Variants in RBM26 observed in about 807,000 individuals in gnomAD.
The protein encoded by RBM26 is RNA binding motif protein 26, also known as RNA-binding protein 26.
In RBM26, 30 loss-of-function variants were observed where a neutral mutation model predicts 123.6. The observed-to-expected ratio is 0.24, with a 90% CI of 0.18 to 0.33. RBM26 has a LOEUF of 0.33. RBM26 is among the 10% of genes least tolerant of loss of function. RBM26 has a pLI of 1.00. For synonymous variants in RBM26, 400 were observed against 404.4 expected (o/e 0.99, Z 0.13); for missense variants, 947 against 1,203.6 (o/e 0.79, Z 3.15).
chr13:79,376,201 T>C (rs1245836580), intron 3 of RBM26: 1 of 152,020 alleles, frequency 6.6e-6, no homozygotes, highest in Non-Finnish European at 1.5e-5. Flanking sequence ...AATTATAGTT[T>C]GTTTGTTTTT....
chr13:79,324,944 T>C (rs1289839189), intron 20 of RBM26, among the ~76,000 whole-genome samples: 1 of 152,064 alleles, frequency 6.6e-6, no homozygotes, highest in Non-Finnish European at 1.5e-5. Context: ...ATTAAAATCC[T>C]CATAAAGTCA....
At chr13:79,396,554 G>C (rs1044577842) in intron 1 of RBM26, among the ~76,000 whole-genome samples, 1 of 151,900 alleles carries the variant, frequency 6.6e-6, no homozygotes, top group Admixed American at 6.6e-5. Flanking sequence ...AGAAGAAACA[G>C]AAATACCTAC....
At chr13:79,392,034 A>G (rs71436686) in intron 1 of RBM26, among the ~76,000 whole-genome samples, 15 of 105,108 alleles carry the variant, frequency 1.4e-4, no homozygotes, top group East Asian at 7.6e-4. Context: ...ATATAATTAT[A>G]TATTATACAA....
At chr13:79,361,112 T>C (rs1223421422) in intron 9 of RBM26, among the ~76,000 whole-genome samples, 1 of 152,168 alleles carries the variant, frequency 6.6e-6, no homozygotes, top group Non-Finnish European at 1.5e-5. Flanking sequence ...AAACTCACTA[T>C]GCAGAACGTT....
chr13:79,357,875 A>G (rs2074211860), intron 11 of RBM26, among the ~76,000 whole-genome samples: 2 of 123,228 alleles, frequency 1.6e-5, no homozygotes, highest in Admixed American at 1.1e-4. Context: ...CCAATTCAGA[A>G]TAACAATTTT....
At chr13:79,328,273 G>A (rs1290245549) in intron 20 of RBM26, among the ~76,000 whole-genome samples, 1 of 152,036 alleles carries the variant, frequency 6.6e-6, no homozygotes, top group Non-Finnish European at 1.5e-5. Flanking sequence ...AATTAAAACA[G>A]TGAGAAACAG....
rs73564694 is a variant in RBM26, at chr13:79,381,836, C to G, written c.72-2929G>C. Among the ~76,000 whole-genome samples the G allele has an allele frequency of 9.3e-3, 1,419 of 151,882 alleles. 19 individuals are homozygous for G. Among genetic ancestry groups the G allele is most frequent in the African/African-American group, 0.028 (1,168 of 41,510 alleles). On this transcript the variant is annotated intron_variant, in intron 1 of 21. Coordinates refer to ENST00000438737, the MANE Select transcript of RBM26 (RefSeq NM_001366735.2). ...ACGATTAGCCACAACAAATATACTA[C>G]CATATACAGTTCTAAATCCTTGAAA... is the stretch of plus-strand genomic sequence containing the variant.
At chr13:79,344,610 T>C (rs888734943) in intron 15 of RBM26, 59 bp downstream of exon 15, 5 of 1,471,248 alleles carry the variant, frequency 3.4e-6, no homozygotes, top group Middle Eastern at 3.7e-4. Context: ...AAAAAACACA[T>C]ACACAAGGAA....
intron 3 of RBM26, chr13:79,377,091 C>T: frequency 3.8e-6 from 1 of 260,020 alleles, no homozygotes; most frequent in Non-Finnish European, 7.5e-6. Flanking sequence ...GGGAATTAAG[C>T]ACATCCTGTG....
At chr13:79,378,984 T>C (rs2140234969) in intron 1 of RBM26, 77 bp from the exon 2 acceptor site, 1 of 891,660 alleles carries the variant, frequency 1.1e-6, no homozygotes, top group Non-Finnish European at 1.8e-6. Flanking sequence ...ACTGAATTAG[T>C]GAGAATAATA....
chr13:79,405,436 C>T (rs2079445756), intron 1 of RBM26, among the ~76,000 whole-genome samples: 2 of 151,772 alleles, frequency 1.3e-5, no homozygotes. Context: ...TTGAGGCCCC[C>T]GGAAAATATT....
chr13:79,325,703 A>G (rs2068287658), intron 20 of RBM26, among the ~76,000 whole-genome samples: 1 of 152,122 alleles, frequency 6.6e-6, no homozygotes, highest in South Asian at 2.1e-4. Context: ...AGAAAGATAA[A>G]ATGTTCTTAT....
chr13:79,354,553 G>T lies in RBM26; in HGVS notation c.1872C>A (p.Val624=). The change falls in exon 13 of 22, where the codon GTC becomes GTA. Residue 624 remains valine (V), a synonymous_variant. Coordinates refer to ENST00000438737, the MANE Select transcript of RBM26 (RefSeq NM_001366735.2). ...TTSPKVMQPL[V]QQPILPVVKQ... is the part of the protein sequence containing the mutation. ...TCACAACAGGCAAAATGGGCTGCTG[G>T]ACTAAAGGCTGCATTACCTCAGAAC... 1 of 1,600,158 alleles carries T rather than the reference G, an allele frequency of 6.2e-7. No individual in the cohort carries two copies.
At position 79,355,204 on chromosome 13, in the gene RBM26, C is replaced by T. The variant is rs1339911368; in HGVS notation, c.1854+16G>A. ...TCTAAGAAATGCGCGTACTTTTACA[C>T]AAATTCCTCTCTTACCTTTGGAGAA... On this transcript the variant is annotated intron_variant, in intron 12 of 21. Transcript: ENST00000438737. The T allele has an allele frequency of 1.2e-5, 19 of 1,611,572 alleles. No homozygotes were observed. The highest frequency in any genetic ancestry group is 1.6e-5 in the Non-Finnish European group (19 of 1,178,324).
chr13:79,380,271 G>T (rs1276117990), intron 1 of RBM26, among the ~76,000 whole-genome samples: 1 of 152,002 alleles, frequency 6.6e-6, no homozygotes, highest in African/African-American at 2.4e-5. Flanking sequence ...AAGATAAAAA[G>T]ACAGGTAATG....
chr13:79,382,036 C>G (rs1474146810), intron 1 of RBM26, among the ~76,000 whole-genome samples: 1 of 151,862 alleles, frequency 6.6e-6, no homozygotes, highest in African/African-American at 2.4e-5. Context: ...AAACAAAAAG[C>G]TGAGTAAAAA....
intron 1 of RBM26, among the ~76,000 whole-genome samples, chr13:79,395,451 T>C (rs1344505319): frequency 6.6e-6 from 1 of 152,006 alleles, no homozygotes; most frequent in Non-Finnish European, 1.5e-5. Flanking sequence ...AAAACAATAG[T>C]GAACTTGAAA....
chr13:79,365,915 C>T (rs1438419654), intron 8 of RBM26, 140 bp downstream of exon 8: 2 of 956,558 alleles, frequency 2.1e-6, no homozygotes, highest in Non-Finnish European at 3.1e-6. Context: ...AAACTGAGGG[C>T]TTATTTAATG....
intron 16 of RBM26, among the ~76,000 whole-genome samples, chr13:79,343,807 A>AT (rs1451772564): frequency 1.3e-5 from 2 of 151,894 alleles, no homozygotes; most frequent in Non-Finnish European, 2.9e-5. Context: ...TCTAGTGTAT[A>AT]TTTTACACTT....
Sources: gnomAD v4.1 joint callset for allele counts (sites outside exome capture counted in the v4.1 genomes callset) on GRCh38, gnomAD v4.1.1 for gene constraint, MANE v1.5 for transcripts, NCBI Gene and HGNC (gene_info 2026-07-23, HGNC 2026-07-21) for gene names.